Variants in CTIF observed in about 807,000 individuals in gnomAD.
The protein encoded by CTIF is cap binding complex dependent translation initiation factor.
In CTIF, 21 loss-of-function variants were observed where a neutral mutation model predicts 66.0. That is an observed-to-expected ratio of 0.32 (90% confidence interval 0.23 to 0.46). The LOEUF (loss-of-function observed/expected upper bound fraction) is 0.46, where lower values mean the gene tolerates loss of function less well. CTIF is among the 20% of genes least tolerant of loss of function. The probability of loss-of-function intolerance (pLI) is 1.00; values close to 1 mark genes in which losing one functional copy is unlikely to be tolerated. For missense variants in CTIF, 739 were observed against 812.7 expected (o/e 0.91, Z 1.10); for synonymous variants, 345 against 326.4 (o/e 1.06, Z -0.62).
At chr18:48,832,295 C>G (rs1209042661) in intron 10 of CTIF, among the ~76,000 whole-genome samples, 1 of 151,880 alleles carries the variant, frequency 6.6e-6, no homozygotes, top group Non-Finnish European at 1.5e-5. Context: ...CCTCAGCCCC[C>G]CAAGTAGTTG....
chr18:48,616,968 A>C (rs2090411707), intron 1 of CTIF, among the ~76,000 whole-genome samples: 1 of 152,198 alleles, frequency 6.6e-6, no homozygotes, highest in African/African-American at 2.4e-5. Flanking sequence ...ACAGCAGCAT[A>C]AAACAATAGC....
chr18:48,554,475 C>CTGTGT (rs1204059745), intron 1 of CTIF, among the ~76,000 whole-genome samples: 17 of 152,220 alleles, frequency 1.1e-4, no homozygotes, highest in African/African-American at 4.1e-4. Context: ...ACCCTCTTCA[C>CTGTGT]TGTGTTTGCC....
At chr18:48,763,250 C>T (rs1909186676) in intron 9 of CTIF, among the ~76,000 whole-genome samples, 1 of 152,208 alleles carries the variant, frequency 6.6e-6, no homozygotes, top group Admixed American at 6.5e-5. Flanking sequence ...CTCCAAGTAA[C>T]CCAGCCAGAC....
chr18:48,676,334 G>A (rs4939555), intron 6 of CTIF, among the ~76,000 whole-genome samples: 31 of 152,340 alleles, frequency 2.0e-4, no homozygotes, highest in East Asian at 7.7e-4. Flanking sequence ...CTATCAGGAC[G>A]TATTTTGGTC....
intron 9 of CTIF, among the ~76,000 whole-genome samples, chr18:48,790,936 C>T (rs980113295): frequency 6.6e-6 from 1 of 152,198 alleles, no homozygotes; most frequent in African/African-American, 2.4e-5. Flanking sequence ...TAGCCAGCTT[C>T]CCCCAATCCC....
At chr18:48,701,422 G>C (rs1490385276) in intron 6 of CTIF, among the ~76,000 whole-genome samples, 1 of 152,168 alleles carries the variant, frequency 6.6e-6, no homozygotes, top group Non-Finnish European at 1.5e-5. Flanking sequence ...AGCCTAAGTG[G>C]CCTGTGTTCA....
chr18:48,731,322 A>G (rs8084549), intron 7 of CTIF, among the ~76,000 whole-genome samples: 115,627 of 152,028 alleles, frequency 0.76, 44,224 homozygotes, highest in East Asian at 0.86. Flanking sequence ...ACTGGGAGGG[A>G]GTAGAGAAGG....
At chr18:48,797,492 A>AGG (rs1226021396) in intron 9 of CTIF, among the ~76,000 whole-genome samples, 5,330 of 127,234 alleles carry the variant, frequency 0.042, 207 homozygotes, top group Admixed American at 0.06. Context: ...AAAAAAGAAA[A>AGG]GGGGTGGGGG....
intron 5 of CTIF, among the ~76,000 whole-genome samples, chr18:48,665,343 A>G (rs2091419602): frequency 6.6e-6 from 1 of 152,242 alleles, no homozygotes. Context: ...TTTGTGTGGC[A>G]GGGTTGCCTT....
chr18:48,638,142 C>A (rs1389542950), intron 3 of CTIF, among the ~76,000 whole-genome samples: 2 of 152,112 alleles, frequency 1.3e-5, no homozygotes, highest in African/African-American at 4.8e-5. Flanking sequence ...CCCTGCTCCT[C>A]AGGGGCACTG....
At chr18:48,625,947 T>A (rs2090584738) in intron 2 of CTIF, among the ~76,000 whole-genome samples, 1 of 152,068 alleles carries the variant, frequency 6.6e-6, no homozygotes, top group African/African-American at 2.4e-5. Flanking sequence ...CTGCCACCAG[T>A]GTATTGGGAC....
chr18:48,758,629 C>T (rs1209415659), intron 8 of CTIF, among the ~76,000 whole-genome samples: 1 of 152,150 alleles, frequency 6.6e-6, no homozygotes, highest in East Asian at 1.9e-4. Context: ...GGGCTTTTCA[C>T]CTTCCAAACT....
intron 6 of CTIF, among the ~76,000 whole-genome samples, chr18:48,695,508 T>C (rs535409919): frequency 1.3e-5 from 2 of 152,166 alleles, no homozygotes; most frequent in Non-Finnish European, 2.9e-5. Flanking sequence ...GGAATAGGCT[T>C]TGATGTTAGA....
chr18:48,802,856 G>A (rs1313862672), intron 9 of CTIF, among the ~76,000 whole-genome samples: 1 of 152,210 alleles, frequency 6.6e-6, no homozygotes, highest in Non-Finnish European at 1.5e-5. Flanking sequence ...AGGAATTCCT[G>A]CTTGTCCCAC....
At chr18:48,690,807 A>G (rs2091914630) in intron 6 of CTIF, among the ~76,000 whole-genome samples, 1 of 151,934 alleles carries the variant, frequency 6.6e-6, no homozygotes, top group Non-Finnish European at 1.5e-5. Flanking sequence ...CCTATCTAGG[A>G]TGGAGATAAT....
chr18:48,723,541 G>A (rs1022214374), intron 7 of CTIF, among the ~76,000 whole-genome samples: 6 of 152,188 alleles, frequency 3.9e-5, no homozygotes, highest in African/African-American at 1.2e-4. Flanking sequence ...GACCCCACTC[G>A]ATGAGCACCC....
chr18:48,794,362 G>T (rs2067862221), intron 9 of CTIF, among the ~76,000 whole-genome samples: 1 of 152,234 alleles, frequency 6.6e-6, no homozygotes, highest in Non-Finnish European at 1.5e-5. Context: ...TGGAAAGACA[G>T]GGTCGGGGAA....
intron 3 of CTIF, 134 bp from the exon 4 acceptor site, chr18:48,663,618 C>A: frequency 1.3e-6 from 1 of 771,996 alleles, no homozygotes; most frequent in East Asian, 2.5e-5. Flanking sequence ...TCCCCTGACT[C>A]TGACTGGGTG....
intron 3 of CTIF, among the ~76,000 whole-genome samples, chr18:48,651,207 ATAAAGAG>A: frequency 6.6e-6 from 1 of 152,374 alleles, no homozygotes; most frequent in South Asian, 2.1e-4. Context: ...GGCAAATTGG[ATAAAGAG>A]TCAAAACCCA....
Sources: gnomAD v4.1 joint callset for allele counts (sites outside exome capture counted in the v4.1 genomes callset) on GRCh38, gnomAD v4.1.1 for gene constraint, MANE v1.5 for transcripts, NCBI Gene and HGNC (gene_info 2026-07-23, HGNC 2026-07-21) for gene names.